ANKRD44: variants seen among roughly 807,000 people sequenced by gnomAD.
ANKRD44 encodes the protein ankyrin repeat domain 44.
Under a neutral mutation model 116.0 loss-of-function variants are expected in ANKRD44, and 35 were observed. That is an observed-to-expected ratio of 0.30 (90% CI 0.23 to 0.40). The LOEUF is 0.40. Among genes scored for constraint, ANKRD44 ranks in the 10% least tolerant of loss-of-function variants. ANKRD44 has a pLI of 1.00. For missense variants in ANKRD44, 1,014 were observed against 1,242.6 expected (o/e 0.82, Z 2.77); for synonymous variants, 435 against 461.8 (o/e 0.94, Z 0.74).
intron 2 of ANKRD44, among the ~76,000 whole-genome samples, chr2:197,148,716 AG>A (rs1190364642): frequency 3.9e-5 from 6 of 152,208 alleles, no homozygotes; most frequent in Non-Finnish European, 1.5e-5. Context: ...TCTGGTAAGT[AG>A]GTTTTATAAA....
chr2:197,038,299 A>T (rs115199359), intron 16 of ANKRD44, among the ~76,000 whole-genome samples: 2,019 of 149,478 alleles, frequency 0.014, 24 homozygotes, highest in Non-Finnish European at 0.018. Flanking sequence ...TCTTCTATCC[A>T]ATTTGCTGTA....
intron 27 of ANKRD44, 93 bp downstream of exon 27, chr2:196,993,490 G>T: frequency 1.0e-6 from 1 of 986,128 alleles, no homozygotes; most frequent in Non-Finnish European, 1.6e-6. Flanking sequence ...ATTCTTAAGT[G>T]CCTTTTATAC....
At chr2:197,060,994 T>C (rs1034485092) in intron 16 of ANKRD44, among the ~76,000 whole-genome samples, 1 of 152,176 alleles carries the variant, frequency 6.6e-6, no homozygotes, top group Non-Finnish European at 1.5e-5. Context: ...AACATGAGAG[T>C]GTAGATACGT....
rs2079965964 is a variant in ANKRD44 at position 197,161,562 on chromosome 2, C to A, written c.112-14457G>T. On this transcript the variant is annotated intron_variant, in intron 2 of 27. Coordinates refer to ENST00000282272, the MANE Select transcript of ANKRD44 (RefSeq NM_001195144.2). ...AAATCTCAAATACTCATATACTCAA[C>A]ACCAGAGAGGACACAGGGATATTGC... Among the ~76,000 whole-genome samples, 4 of 152,248 alleles carry A rather than the reference C, an allele frequency of 2.6e-5. No homozygotes were observed. The South Asian group carries it at 8.3e-4, about 32-fold the overall frequency.
At chr2:197,235,751 A>G (rs2081965135) in intron 1 of ANKRD44, among the ~76,000 whole-genome samples, 2 of 152,104 alleles carry the variant, frequency 1.3e-5, no homozygotes, top group South Asian at 4.1e-4. Flanking sequence ...ATTATATACA[A>G]AGATATATAA....
At position 197,122,678 on chromosome 2, in the gene ANKRD44, A is replaced by G. The variant is rs141076053; in HGVS notation, c.665T>C (p.Val222Ala). ...CACCCCCAGGTTCAGGAGATGCTTG[A>G]CAACATTAATCTGTCCATTGGAGGC... ...AAASNGQINV[V>A]KHLLNLGVEI... Residue 222 changes from valine to alanine, a missense_variant, in exon 7 of 28, where the codon GTC (valine) becomes GCC (alanine). Val to Ala is a moderately conservative substitution (Grantham distance 64). Transcript: ENST00000282272. 1.2e-5 allele frequency: 20 copies of G among 1,614,104 alleles called. No homozygotes were observed. In the African/African-American group the frequency reaches 2.1e-4, roughly 17 times the overall value.
intron 1 of ANKRD44, among the ~76,000 whole-genome samples, chr2:197,214,127 T>C (rs573260498): frequency 6.6e-6 from 1 of 152,236 alleles, no homozygotes; most frequent in South Asian, 2.1e-4. Context: ...GGGAAATTAC[T>C]ATAAGGAAAT....
intron 1 of ANKRD44, among the ~76,000 whole-genome samples, chr2:197,196,289 G>T (rs2080947073): frequency 6.6e-6 from 1 of 152,132 alleles, no homozygotes; most frequent in African/African-American, 2.4e-5. Flanking sequence ...ATGATTTTCA[G>T]GGTTGTAGGT....
At position 197,147,039 on chromosome 2, in the gene ANKRD44, G is replaced by A. The variant is rs1167992810; in HGVS notation, c.178C>T (p.Leu60=). The A allele has an allele frequency of 5.0e-6, 8 of 1,613,640 alleles. No homozygotes were observed. The highest frequency in any genetic ancestry group is 6.8e-6 in the Non-Finnish European group (8 of 1,179,654). Residue 60 remains leucine (L), a synonymous_variant, in exon 3 of 28, where the codon CTG becomes TTG. Coordinates refer to ENST00000282272, the MANE Select transcript of ANKRD44 (RefSeq NM_001195144.2). ...FLGDAEIIEL[L]ILSGARVNAK... Reference sequence around the variant, plus strand: ...AGCAGTTATTTACCTGACAAAATCAGGAGTTCAATGATCTCTGCATCTCCC... The same window carrying A: ...AGCAGTTATTTACCTGACAAAATCAAGAGTTCAATGATCTCTGCATCTCCC...
chr2:197,136,773 T>C (rs1266301471), intron 3 of ANKRD44, 111 bp from the exon 4 acceptor site: 2 of 853,986 alleles, frequency 2.3e-6, no homozygotes, highest in Non-Finnish European at 3.9e-6. Flanking sequence ...CCACCACCTC[T>C]TCTTTTCTTT....
chr2:197,176,734 C>T lies in ANKRD44; in HGVS notation c.111+10289G>A, dbSNP rs570505464. 3.3e-4 allele frequency among the ~76,000 whole-genome samples: 50 copies of T among 152,116 alleles called. 1 individual carries two copies. In the South Asian group the frequency reaches 0.01, roughly 31 times the overall value. On this transcript the variant is annotated intron_variant, in intron 2 of 27. Coordinates refer to ENST00000282272, the MANE Select transcript of ANKRD44 (RefSeq NM_001195144.2). ...TTTAGAAAGTACAAAGTGAGAAACC[C>T]ATTTATACTATCCTACACTGCCAGA...
At chr2:197,112,986 G>T (rs2078625798) in intron 8 of ANKRD44, among the ~76,000 whole-genome samples, 1 of 149,664 alleles carries the variant, frequency 6.7e-6, no homozygotes, top group African/African-American at 2.5e-5. Context: ...CATCTTAATT[G>T]AAAAAAAAAA....
intron 2 of ANKRD44, among the ~76,000 whole-genome samples, chr2:197,155,864 G>A (rs2079796148): frequency 1.3e-5 from 2 of 152,178 alleles, no homozygotes; most frequent in Non-Finnish European, 2.9e-5. Context: ...ACACTGGTAA[G>A]AGAATGAAGA....
At chr2:196,980,646 T>C (rs1296637063) in intron 21 of ANKRD44, among the ~76,000 whole-genome samples, 1 of 152,268 alleles carries the variant, frequency 6.6e-6, no homozygotes, top group African/African-American at 2.4e-5. Context: ...ACTCTCCTTT[T>C]GTTCATTCTG....
intron 1 of ANKRD44, among the ~76,000 whole-genome samples, chr2:197,205,573 A>G (rs2081186730): frequency 6.6e-6 from 1 of 152,202 alleles, no homozygotes; most frequent in South Asian, 2.1e-4. Flanking sequence ...ATCCCATGCT[A>G]GTTCAACTAT....
chr2:197,102,778 C>G (rs1400324259), intron 9 of ANKRD44, among the ~76,000 whole-genome samples: 1 of 152,022 alleles, frequency 6.6e-6, no homozygotes, highest in African/African-American at 2.4e-5. Context: ...CTCAAACATA[C>G]AAACAAACTT....
intron 16 of ANKRD44, among the ~76,000 whole-genome samples, chr2:197,035,214 A>C (rs1041796690): frequency 2.0e-5 from 3 of 152,214 alleles, no homozygotes; most frequent in Non-Finnish European, 4.4e-5. Context: ...TTTGTGAGGG[A>C]ACACATAAAT....
chr2:197,308,657 G>A (rs541712933), intron 1 of ANKRD44, among the ~76,000 whole-genome samples: 46 of 152,268 alleles, frequency 3.0e-4, no homozygotes, highest in African/African-American at 1.1e-3. Context: ...ACTCATACTA[G>A]TTTATTGGGG....
rs973873595 is a variant in ANKRD44, at chr2:197,307,903, C to T, written c.27+2675G>A. Among the ~76,000 whole-genome samples the T allele has an allele frequency of 8.5e-5, 13 of 152,206 alleles. 1 individual carries two copies. The highest frequency in any genetic ancestry group is 2.9e-4 in the African/African-American group (12 of 41,446). On this transcript the variant is annotated intron_variant, in intron 1 of 27. Transcript: ENST00000282272. The stretch of plus-strand genomic sequence containing the variant: ...ACAGATGAGGTGCCAGGCACAGTGG[C>T]TCATGCCTGTAATCCCAGCACTTTG...
Sources: allele counts gnomAD v4.1 joint callset (sites outside exome capture counted in the v4.1 genomes callset), GRCh38; gene constraint gnomAD v4.1.1; transcripts MANE v1.5; gene names NCBI Gene and HGNC (gene_info 2026-07-23, HGNC 2026-07-21).